The following CLTRN variants were observed in gnomAD, a reference collection of about 807,000 sequenced individuals.
CLTRN encodes the protein collectrin.
A neutral mutation model predicts 14.5 loss-of-function variants in CLTRN; 12 were observed. The ratio of observed to expected loss-of-function variants is 0.83; its 90% CI spans 0.53 to 1.34. The LOEUF is 1.34. CLTRN is among the 40% of genes most tolerant of loss of function. CLTRN has a pLI of 0.00. For missense variants in CLTRN, 154 were observed against 165.1 expected, an observed-to-expected ratio of 0.93 and a Z score of 0.37; for synonymous variants, 58 against 56.5, an observed-to-expected ratio of 1.03 and a Z score of -0.12.
At chrX:15,661,892 T>G (rs1264347912) in intron 2 of CLTRN, among the ~76,000 whole-genome samples, 1 of 112,050 alleles carries the variant, frequency 8.9e-6, no homozygotes, top group African/African-American at 3.2e-5. Flanking sequence ...GATTCCTTGG[T>G]TCCTCATTTC....
intron 2 of CLTRN, among the ~76,000 whole-genome samples, chrX:15,663,422 A>G (rs1436749836): frequency 8.9e-6 from 1 of 112,245 alleles, no homozygotes; most frequent in Non-Finnish European, 1.9e-5. Context: ...TTTGAACCTC[A>G]GTTTTCTCAT....
At chrX:15,665,066 C>T (rs186056383), upstream of CLTRN, 2 of 288,388 alleles carry the variant, frequency 6.9e-6, no homozygotes, top group Non-Finnish European at 1.2e-5. Context: ...TTGGAATCCT[C>T]CCCGACCCCT....
chrX:15,629,017 A>G (rs779554764), intron 5 of CLTRN, among the ~76,000 whole-genome samples: 1 of 111,695 alleles, frequency 9.0e-6, no homozygotes, highest in Non-Finnish European at 1.9e-5. Flanking sequence ...GCAGTAAAAG[A>G]AAAAAGAGAG....
chrX:15,650,278 C>T (rs1929184998), intron 3 of CLTRN, among the ~76,000 whole-genome samples: 1 of 109,566 alleles, frequency 9.1e-6, no homozygotes, highest in Non-Finnish European at 1.9e-5. Context: ...CATATACATA[C>T]ATATAAGAGC....
At chrX:15,652,676 C>T (rs1929248819) in intron 3 of CLTRN, among the ~76,000 whole-genome samples, 1 of 111,969 alleles carries the variant, frequency 8.9e-6, no homozygotes, top group South Asian at 3.6e-4. Context: ...AACATGGTCA[C>T]ACCACAAGTA....
At chrX:15,669,152 G>GA (rs765628518), upstream of CLTRN, among the ~76,000 whole-genome samples, 11 of 111,209 alleles carry the variant, frequency 9.9e-5, no homozygotes, top group Non-Finnish European at 1.9e-4. Flanking sequence ...AAAATAAATG[G>GA]AAAACAGAAC....
At chrX:15,653,660 T>C (rs886795284) in intron 3 of CLTRN, among the ~76,000 whole-genome samples, 1 of 112,149 alleles carries the variant, frequency 8.9e-6, no homozygotes, top group Non-Finnish European at 1.9e-5. Flanking sequence ...ACTTTGGTGA[T>C]GATCTTGGAG....
chrX:15,632,856 C>A (rs1177276506), intron 5 of CLTRN, among the ~76,000 whole-genome samples: 3 of 91,428 alleles, frequency 3.3e-5, no homozygotes, highest in African/African-American at 1.3e-4. Context: ...TGCACTCCAG[C>A]CTGGGTGACA....
intron 2 of CLTRN, among the ~76,000 whole-genome samples, chrX:15,659,916 C>A (rs950510406): frequency 8.9e-6 from 1 of 112,138 alleles, no homozygotes; most frequent in African/African-American, 3.2e-5. Flanking sequence ...GCAACCCTAG[C>A]AAATTAATAT....
In CLTRN at chrX:15,671,741, A is replaced by T. The variant is rs1240921715; in HGVS notation, c.-506+3248T>A. On this transcript the variant is annotated intron_variant, in intron 1 of 6. Transcript: ENST00000650271. Reference sequence around the variant, plus strand: ...TACAAAAAACAGGAAATTATTTTTCATTGGCCATCTTAATAAAAAGATAAA... The same window carrying T: ...TACAAAAAACAGGAAATTATTTTTCTTTGGCCATCTTAATAAAAAGATAAA... Among the ~76,000 whole-genome samples the T allele has an allele frequency of 1.8e-5, 2 of 111,412 alleles. 1 individual carries two copies. Among genetic ancestry groups the T allele is most frequent in the Admixed American group, 1.9e-4 (2 of 10,471 alleles).
At chrX:15,671,020 G>A (rs1424851355) in intron 1 of CLTRN, among the ~76,000 whole-genome samples, 1 of 109,157 alleles carries the variant, frequency 9.2e-6, no homozygotes, top group Non-Finnish European at 1.9e-5. Flanking sequence ...AAGCTTATTA[G>A]AACTTCAGTT....
intron 4 of CLTRN, among the ~76,000 whole-genome samples, chrX:15,644,280 A>G (rs964161179): frequency 3.8e-4 from 42 of 111,912 alleles, no homozygotes; most frequent in African/African-American, 1.2e-3. Flanking sequence ...CTTGAAAACT[A>G]ACATAATGTA....
intron 3 of CLTRN, among the ~76,000 whole-genome samples, chrX:15,647,839 T>C (rs1421779086): frequency 1.7e-5 from 1 of 57,361 alleles, no homozygotes; most frequent in Non-Finnish European, 3.4e-5. Context: ...AAGTGGCGCA[T>C]GCTGGACAGA....
chrX:15,669,061 T>C (rs1477449310), upstream of CLTRN, among the ~76,000 whole-genome samples: 1 of 112,117 alleles, frequency 8.9e-6, no homozygotes, highest in African/African-American at 3.2e-5. Flanking sequence ...ATTCTTTCTG[T>C]TTTTTGATTC....
rs1348065483 is a variant in CLTRN, at chrX:15,664,336, C to T, written c.117+1G>A. On this transcript the variant is annotated splice_donor_variant, in intron 2 of 5. Coordinates refer to ENST00000380342, the MANE Select transcript of CLTRN (RefSeq NM_020665.6). LOFTEE classifies it high-confidence loss of function. Reference sequence around the variant, plus strand: ...AAAGAACACTCAGGTGCTCCACTTACTGCTTTATCTCCCAGAGCTGTTCTG... The same window carrying T: ...AAAGAACACTCAGGTGCTCCACTTATTGCTTTATCTCCCAGAGCTGTTCTG... 3 of 1,186,223 alleles carry T rather than the reference C, an allele frequency of 2.5e-6. No homozygotes were observed. Among genetic ancestry groups the T allele is most frequent in the Non-Finnish European group, 3.4e-6 (3 of 879,674 alleles).
At chrX:15,638,126 T>C (rs772625320) in intron 5 of CLTRN, among the ~76,000 whole-genome samples, 19 of 112,084 alleles carry the variant, frequency 1.7e-4, no homozygotes, top group Non-Finnish European at 3.6e-4. Flanking sequence ...TCAAAGCATC[T>C]CAAGATTAAT....
chrX:15,665,304 C>T, upstream of CLTRN, among the ~76,000 whole-genome samples: 1 of 112,024 alleles, frequency 8.9e-6, no homozygotes, highest in East Asian at 2.8e-4. Flanking sequence ...AGGAGAGCTT[C>T]GGAGCTTCCT....
intron 2 of CLTRN, among the ~76,000 whole-genome samples, chrX:15,660,866 C>T (rs1278122979): frequency 9.0e-6 from 1 of 111,328 alleles, no homozygotes; most frequent in African/African-American, 3.3e-5. Context: ...ATGGAAAAAT[C>T]ACTTTTCTCA....
intron 3 of CLTRN, 59 bp from the exon 4 acceptor site, chrX:15,645,088 C>A: frequency 1.0e-5 from 7 of 690,040 alleles, no homozygotes; most frequent in Non-Finnish European, 6.6e-6. Context: ...TGGCATTAAA[C>A]CGTTCACTCT....
Sources: gnomAD v4.1 joint callset for allele counts (sites outside exome capture counted in the v4.1 genomes callset) on GRCh38, gnomAD v4.1.1 for gene constraint, MANE v1.5 for transcripts, NCBI Gene and HGNC (gene_info 2026-07-23, HGNC 2026-07-21) for gene names.